The following WFDC8 variants were observed in gnomAD, a reference collection of about 807,000 sequenced individuals.
The protein encoded by WFDC8 is WAP four-disulfide core domain protein 8.
WFDC8 carries 24 observed loss-of-function variants against 27.0 expected under a neutral mutation model. The observed-to-expected ratio is 0.89, with a 90% CI of 0.64 to 1.25. The LOEUF (loss-of-function observed/expected upper bound fraction) is 1.25. Ranked by LOEUF, WFDC8 falls within the 50% of genes most tolerant of loss-of-function variation. The pLI is 0.00. For synonymous variants in WFDC8, 106 were observed against 99.7 expected (o/e 1.06, Z -0.38); for missense variants, 287 against 295.9 (o/e 0.97, Z 0.22).
intron 1 of WFDC8, among the ~76,000 whole-genome samples, chr20:45,564,292 T>G (rs184646878): frequency 4.6e-4 from 70 of 152,234 alleles, no homozygotes; most frequent in African/African-American, 1.6e-3. Context: ...ACACACTAGG[T>G]TCTGGGCACG....
In WFDC8 at chr20:45,572,898, C is replaced by T. The variant is rs532556083; in HGVS notation, c.26+6324G>A. On this transcript the variant is annotated intron_variant, in intron 1 of 5. Transcript: ENST00000289953. ...TTGGGATTACAGGCGTGAGCCACCG[C>T]GCCCAGCCTTTGTATGCCTTCTTTT... 1.8e-4 allele frequency among the ~76,000 whole-genome samples: 28 copies of T among 152,328 alleles called. No homozygotes were observed. The South Asian group carries it at 3.1e-3, about 17-fold the overall frequency.
intron 3 of WFDC8, among the ~76,000 whole-genome samples, chr20:45,556,814 C>T (rs187233325): frequency 5.3e-5 from 8 of 152,232 alleles, no homozygotes; most frequent in East Asian, 1.9e-4. Flanking sequence ...CATATTGTGA[C>T]GTGCAATGAA....
chr20:45,568,989 A>C (rs1313644644), intron 1 of WFDC8, among the ~76,000 whole-genome samples: 1 of 152,206 alleles, frequency 6.6e-6, no homozygotes, highest in Non-Finnish European at 1.5e-5. Flanking sequence ...GCTTCTATGT[A>C]GGTATCAAGT....
intron 3 of WFDC8, among the ~76,000 whole-genome samples, chr20:45,557,977 A>C (rs1332845595): frequency 6.6e-6 from 1 of 152,214 alleles, no homozygotes; most frequent in African/African-American, 2.4e-5. Flanking sequence ...CTCTGAGATC[A>C]TGATGAAGTG....
At chr20:45,573,546 A>G (rs1980942969) in intron 1 of WFDC8, among the ~76,000 whole-genome samples, 1 of 152,204 alleles carries the variant, frequency 6.6e-6, no homozygotes, top group Admixed American at 6.5e-5. Flanking sequence ...AAGCGAAAAC[A>G]TATGGTATTT....
chr20:45,562,136 GA>G lies in WFDC8; in HGVS notation c.109del (p.Ser37LeufsTer4). 6.2e-7 allele frequency: 1 copy of G among 1,614,164 alleles called. No homozygotes were observed. The highest frequency in any genetic ancestry group is 1.3e-5 in the African/African-American group (1 of 75,042). ...TTTGATCTTCTTGGTCAGCATTGCA[GA>G]AGTCCACTCCAAAGCAAGGGAGAGA... ...LLLSLALEWT[S>X]AMLTKKIKHK... On this transcript the variant is annotated frameshift_variant, in exon 2 of 6. Coordinates refer to ENST00000289953, the MANE Select transcript of WFDC8 (RefSeq NM_130896.3). LOFTEE classifies it high-confidence loss of function.
intron 1 of WFDC8, chr20:45,568,908 A>C: frequency 4.3e-6 from 1 of 234,844 alleles, no homozygotes; most frequent in Non-Finnish European, 9.0e-6. Context: ...GAAGAGGACC[A>C]GACTGAAACA....
chr20:45,569,642 T>TC (rs1490050198), intron 1 of WFDC8, among the ~76,000 whole-genome samples: 2 of 152,210 alleles, frequency 1.3e-5, no homozygotes, highest in Non-Finnish European at 2.9e-5. Flanking sequence ...AAGTCTTTAA[T>TC]CCATCTTGAG....
At chr20:45,556,020 C>T (rs1980234291) in intron 3 of WFDC8, 152 bp from the exon 4 acceptor site, 2 of 691,144 alleles carry the variant, frequency 2.9e-6, no homozygotes, top group Non-Finnish European at 4.8e-6. Context: ...GTTCTGGTCC[C>T]AGTTCTACTA....
rs546171312 is a variant in WFDC8 at position 45,564,906 on chromosome 20, G to A, written c.27-2687C>T. ...AGGAGAAGAGAATAGGGGAGAGGGA[G>A]AAAAAAGAAGAAAGAGAGAGTGAAA... On this transcript the variant is annotated intron_variant, in intron 1 of 5. Transcript: ENST00000289953. Among the ~76,000 whole-genome samples, 191 of 143,302 alleles carry A rather than the reference G, an allele frequency of 1.3e-3. 3 individuals carry two copies. The highest frequency in any genetic ancestry group is 8.9e-3 in the Admixed American group (122 of 13,684). 94.0% of individuals were successfully genotyped at this position (143,302 alleles called of 152,430 possible). A position where few individuals can be genotyped will look rare whatever the true frequency, so the allele number is the denominator to read the frequency against.
chr20:45,553,400 A>G (rs1158071799), intron 4 of WFDC8, 124 bp from the exon 5 acceptor site: 1 of 1,181,608 alleles, frequency 8.5e-7, no homozygotes, highest in African/African-American at 1.5e-5. Context: ...TACCCTATCC[A>G]TCTCCAGTAG....
intron 1 of WFDC8, among the ~76,000 whole-genome samples, chr20:45,578,970 G>A (rs1175920691): frequency 6.6e-6 from 1 of 152,008 alleles, no homozygotes; most frequent in East Asian, 1.9e-4. Context: ...AGCCGAGCGT[G>A]GTGGCGCACA....
chr20:45,561,739 CGTGTGTGTGTGT>C (rs10534885), intron 2 of WFDC8, among the ~76,000 whole-genome samples: 16 of 147,740 alleles, frequency 1.1e-4, no homozygotes, highest in South Asian at 4.4e-4. Context: ...ATTAAACTTG[CGTGTGTGTGTGT>C]GTGTGTGTGT....
At chr20:45,560,196 G>T (rs1241657277) in intron 2 of WFDC8, among the ~76,000 whole-genome samples, 1 of 152,196 alleles carries the variant, frequency 6.6e-6, no homozygotes, top group Admixed American at 6.5e-5. Context: ...CTTGCTATTC[G>T]TAGCTTTGAA....
At chr20:45,562,947 G>A (rs1005143922) in intron 1 of WFDC8, among the ~76,000 whole-genome samples, 3 of 152,194 alleles carry the variant, frequency 2.0e-5, no homozygotes, top group African/African-American at 7.2e-5. Flanking sequence ...TGGGTAGAGG[G>A]AGAAAGAGGA....
chr20:45,569,951 G>T (rs528037276), intron 1 of WFDC8, among the ~76,000 whole-genome samples: 1 of 152,144 alleles, frequency 6.6e-6, no homozygotes, highest in African/African-American at 2.4e-5. Flanking sequence ...ACCAAATACC[G>T]CATGTTCTCA....
At chr20:45,558,705 A>T in intron 3 of WFDC8, 147 bp downstream of exon 3, 1 of 938,290 alleles carries the variant, frequency 1.1e-6, no homozygotes, top group Non-Finnish European at 1.6e-6. Context: ...TAGACTTATG[A>T]CTTGTACTTG....
rs1980362302 is a variant in WFDC8, at chr20:45,558,845, T to C, written c.277+7A>G. ...GGAACCTCTGTCCTCAGCCTGGACA[T>C]CGCTACCTTGAAAGGGATCCATGCA... is the stretch of plus-strand genomic sequence containing the variant. On this transcript the variant is annotated splice_region_variant and intron_variant, in intron 3 of 5. Transcript: ENST00000289953. The C allele has an allele frequency of 1.2e-6, 2 of 1,613,978 alleles. No homozygotes were observed. Among genetic ancestry groups the C allele is most frequent in the Non-Finnish European group, 1.7e-6 (2 of 1,179,984 alleles).
At chr20:45,568,867 C>G (rs1234943795) in intron 1 of WFDC8, 1 of 286,952 alleles carries the variant, frequency 3.5e-6, no homozygotes, top group Non-Finnish European at 7.2e-6. Context: ...ATGCAGTCAT[C>G]ATCCATTGTA....
Sources: gnomAD v4.1 joint callset for allele counts (sites outside exome capture counted in the v4.1 genomes callset) on GRCh38, gnomAD v4.1.1 for gene constraint, MANE v1.5 for transcripts, NCBI Gene and HGNC (gene_info 2026-07-23, HGNC 2026-07-21) for gene names.